Variants in ELOVL6 observed in about 807,000 individuals in gnomAD.
ELOVL6 encodes ELOVL fatty acid elongase 6.
ELOVL6 carries 8 observed loss-of-function variants against 31.7 expected under a neutral mutation model. The ratio of observed to expected loss-of-function variants is 0.25; its 90% CI spans 0.15 to 0.45. The LOEUF (loss-of-function observed/expected upper bound fraction) is 0.45, where lower values mean the gene tolerates loss of function less well. ELOVL6 is among the 20% of genes least tolerant of loss of function. ELOVL6 has a pLI of 1.00. For synonymous variants in ELOVL6, 101 were observed against 117.7 expected, an observed-to-expected ratio of 0.86 and a Z score of 0.92; for missense variants, 126 against 326.4, an observed-to-expected ratio of 0.39 and a Z score of 4.73.
At chr4:110,063,271 C>T (rs1278227984) in intron 2 of ELOVL6, among the ~76,000 whole-genome samples, 3 of 152,104 alleles carry the variant, frequency 2.0e-5, no homozygotes, top group Non-Finnish European at 4.4e-5. Flanking sequence ...CTCTAGGAGC[C>T]GAGGATGGCT....
chr4:110,082,835 G>C (rs1237556277), intron 2 of ELOVL6, among the ~76,000 whole-genome samples: 6 of 152,244 alleles, frequency 3.9e-5, no homozygotes, highest in Non-Finnish European at 8.8e-5. Context: ...GACTGTGTAT[G>C]ATAGGCCATG....
rs780807092 is a variant in ELOVL6, at chr4:110,158,635, GTATATA to G, written c.89+39606_89+39611del. The stretch of plus-strand genomic sequence containing the variant: ...TATATACACACACATATATACACGT[GTATATA>G]TATATATATATATATATTTTTTTTT... On this transcript the variant is annotated intron_variant, in intron 1 of 3. Coordinates refer to ENST00000302274, the MANE Select transcript of ELOVL6 (RefSeq NM_024090.3). Among the ~76,000 whole-genome samples, 50 of 81,568 alleles carry G rather than the reference GTATATA, an allele frequency of 6.1e-4. 1 individual carries two copies. The highest frequency in any genetic ancestry group is 2.3e-3 in the African/African-American group (40 of 17,126). The allele number at this position is 81,568 out of a possible 152,430, so 53.5% of individuals were successfully genotyped here.
chr4:110,098,780 T>C (rs1488228458), intron 2 of ELOVL6, among the ~76,000 whole-genome samples: 1 of 152,170 alleles, frequency 6.6e-6, no homozygotes, highest in Non-Finnish European at 1.5e-5. Context: ...CCTTTTGGTG[T>C]TACATTTAAA....
At chr4:110,176,787 G>C (rs1428220276) in intron 1 of ELOVL6, among the ~76,000 whole-genome samples, 2 of 152,144 alleles carry the variant, frequency 1.3e-5, no homozygotes, top group African/African-American at 4.8e-5. Context: ...GCCCAGGCTG[G>C]AGTGCAATGG....
intron 1 of ELOVL6, among the ~76,000 whole-genome samples, chr4:110,121,525 C>T (rs971961666): frequency 2.6e-5 from 4 of 152,028 alleles, no homozygotes; most frequent in Non-Finnish European, 4.4e-5. Flanking sequence ...GGTGAAACCC[C>T]GTCTCTACTA....
chr4:110,171,544 T>G (rs78159025), intron 1 of ELOVL6, among the ~76,000 whole-genome samples: 1 of 152,062 alleles, frequency 6.6e-6, no homozygotes, highest in Admixed American at 6.6e-5. Flanking sequence ...AAGATTGGGT[T>G]TGGAGAATTT....
intron 1 of ELOVL6, among the ~76,000 whole-genome samples, chr4:110,160,521 G>A (rs1758602587): frequency 6.6e-6 from 1 of 152,140 alleles, no homozygotes; most frequent in South Asian, 2.1e-4. Flanking sequence ...AACAGTATCA[G>A]TAAATAATTT....
intron 2 of ELOVL6, among the ~76,000 whole-genome samples, chr4:110,063,432 C>T (rs1296245616): frequency 6.6e-6 from 1 of 151,500 alleles, no homozygotes; most frequent in East Asian, 1.9e-4. Flanking sequence ...AGGCAGTCCA[C>T]ACCTGGTGGG....
rs1213432741 is a variant in ELOVL6, at chr4:110,077,264, G to C, written c.222-17510C>G. Among the ~76,000 whole-genome samples, 6 of 152,206 alleles carry C rather than the reference G, an allele frequency of 3.9e-5. No homozygotes were observed. The East Asian group carries it at 1.2e-3, about 29-fold the overall frequency. On this transcript the variant is annotated intron_variant, in intron 2 of 3. Coordinates refer to ENST00000302274, the MANE Select transcript of ELOVL6 (RefSeq NM_024090.3). Reference sequence around the variant, plus strand: ...TAGTGGTTCTCCCAGCACGCAGCTGGAGATCTGAGAATGGACAGACTGTCT... The same window carrying C: ...TAGTGGTTCTCCCAGCACGCAGCTGCAGATCTGAGAATGGACAGACTGTCT...
chr4:110,071,896 C>G (rs1578453968), intron 2 of ELOVL6, among the ~76,000 whole-genome samples: 1 of 152,184 alleles, frequency 6.6e-6, no homozygotes, highest in South Asian at 2.1e-4. Flanking sequence ...GAGGATTTTC[C>G]AAAAGATTTC....
At chr4:110,156,430 G>A (rs1054486188) in intron 1 of ELOVL6, among the ~76,000 whole-genome samples, 19 of 152,104 alleles carry the variant, frequency 1.2e-4, no homozygotes, top group Admixed American at 2.0e-4. Context: ...AGTGGCTCAT[G>A]CCTATAATCC....
chr4:110,160,109 CACAA>C (rs907265157), intron 1 of ELOVL6, among the ~76,000 whole-genome samples: 2 of 151,780 alleles, frequency 1.3e-5, no homozygotes, highest in Admixed American at 1.3e-4. Flanking sequence ...CACACACACA[CACAA>C]ACACACACAC....
In ELOVL6 at chr4:110,051,585, C is replaced by T; in HGVS notation, c.551G>A (p.Arg184Gln). The T allele has an allele frequency of 1.9e-6, 3 of 1,614,144 alleles. No homozygotes were observed. Among genetic ancestry groups the T allele is most frequent in the South Asian group, 1.1e-5 (1 of 91,078 alleles). ...CCGGGAGACTCGGAAACCTGCCGCC[C>T]GCAAGGCATAGTAAGAGTACATCAC... The part of the protein sequence containing the change: ...HAVMYSYYAL[R>Q]AAGFRVSRKF... The change falls in exon 4 of 4, where the codon CGG becomes CAG. Residue 184 changes from arginine (R) to glutamine (Q), a missense_variant. Physicochemically the swap from Arg to Gln is conservative, Grantham distance 43. This residue lies in a region of ELOVL6 where 57 missense variants were observed against 110.2 expected (regional missense o/e 0.52). Coordinates refer to ENST00000302274, the MANE Select transcript of ELOVL6 (RefSeq NM_024090.3). This position sits in a 1 kb window ranked among gnomAD's most constrained non-coding sequence, Gnocchi z 4.8.
At chr4:110,177,070 C>T (rs1759129925) in intron 1 of ELOVL6, among the ~76,000 whole-genome samples, 1 of 152,148 alleles carries the variant, frequency 6.6e-6, no homozygotes, top group Admixed American at 6.5e-5. Flanking sequence ...GAAAGCAATC[C>T]CCATCCTCTG....
intron 2 of ELOVL6, chr4:110,093,203 G>A (rs1756475043): frequency 2.9e-6 from 1 of 341,998 alleles, no homozygotes; most frequent in South Asian, 2.2e-5. Flanking sequence ...GCATTACAGA[G>A]AATTAAAATT....
chr4:110,168,945 C>T (rs571307334), intron 1 of ELOVL6, among the ~76,000 whole-genome samples: 10 of 151,174 alleles, frequency 6.6e-5, no homozygotes, highest in East Asian at 3.9e-4. Flanking sequence ...CCTTATTAAA[C>T]GTCCAGTAAG....
chr4:110,100,516 T>C (rs955549928), intron 2 of ELOVL6, among the ~76,000 whole-genome samples: 37 of 152,286 alleles, frequency 2.4e-4, no homozygotes, highest in Admixed American at 2.3e-3. Flanking sequence ...GCTGCAGATA[T>C]GATTTAATTC....
At chr4:110,131,010 A>C (rs375654580) in intron 1 of ELOVL6, among the ~76,000 whole-genome samples, 1 of 152,204 alleles carries the variant, frequency 6.6e-6, no homozygotes, top group East Asian at 1.9e-4. Context: ...TGGCTGCACT[A>C]GTTTATTTGA....
intron 2 of ELOVL6, among the ~76,000 whole-genome samples, chr4:110,097,332 ATCCT>A (rs1233506828): frequency 6.6e-6 from 1 of 151,042 alleles, no homozygotes; most frequent in East Asian, 2.0e-4. Context: ...AGCTTAAGAA[ATCCT>A]CTACCCCACT....
Sources: gnomAD v4.1 joint callset for allele counts (sites outside exome capture counted in the v4.1 genomes callset) on GRCh38, gnomAD v4.1.1 for gene constraint, gnomAD v4.1.1 regional missense constraint, Gnocchi (gnomAD v3.1) non-coding constraint, MANE v1.5 for transcripts, NCBI Gene and HGNC (gene_info 2026-07-23, HGNC 2026-07-21) for gene names.